The following ZNF438 variants were observed in gnomAD, a reference collection of about 807,000 sequenced individuals.
ZNF438 encodes the protein zinc finger protein 438.
ZNF438 carries 25 observed loss-of-function variants against 38.0 expected under a neutral mutation model. The ratio of observed to expected loss-of-function variants is 0.66; its 90% CI spans 0.48 to 0.92. ZNF438 has a LOEUF of 0.92. Ranked by LOEUF, ZNF438 falls within the 40% of genes least tolerant of loss-of-function variation. ZNF438 has a pLI of 0.00. For missense variants in ZNF438, 1,007 were observed against 999.6 expected (o/e 1.01, Z -0.10); for synonymous variants, 372 against 364.1 (o/e 1.02, Z -0.25).
At chr10:30,910,683 CA>C (rs11375197) in intron 2 of ZNF438, among the ~76,000 whole-genome samples, 941 of 89,770 alleles carry the variant, frequency 0.01, 8 homozygotes, top group Middle Eastern at 0.035. Flanking sequence ...GTATATTGGC[CA>C]AAAAAAAAAA....
intron 2 of ZNF438, chr10:30,921,206 T>G (rs926944041): frequency 6.6e-6 from 1 of 152,096 alleles, no homozygotes; most frequent in Non-Finnish European, 1.5e-5. Context: ...TGAACCTGTA[T>G]GCAAACAAGT....
chr10:30,989,264 T>G (rs1406535707), intron 1 of ZNF438, among the ~76,000 whole-genome samples: 1 of 152,230 alleles, frequency 6.6e-6, no homozygotes, highest in Non-Finnish European at 1.5e-5. Flanking sequence ...TGGAGAACCC[T>G]GACTAATAAT....
At chr10:31,027,438 C>T (rs1340645212) in intron 1 of ZNF438, among the ~76,000 whole-genome samples, 2 of 151,692 alleles carry the variant, frequency 1.3e-5, no homozygotes, top group African/African-American at 2.4e-5. Flanking sequence ...TGTTATATTT[C>T]GCATGGTCAG....
At chr10:30,963,003 T>C (rs1178203256) in intron 1 of ZNF438, among the ~76,000 whole-genome samples, 1 of 152,100 alleles carries the variant, frequency 6.6e-6, no homozygotes, top group African/African-American at 2.4e-5. Context: ...AATCAAAGGG[T>C]CTCAATATAA....
chr10:30,935,162 C>T (rs1159273678), intron 2 of ZNF438, among the ~76,000 whole-genome samples: 1 of 152,200 alleles, frequency 6.6e-6, no homozygotes, highest in African/African-American at 2.4e-5. Flanking sequence ...GTTTTATCTC[C>T]ATATTACAGA....
chr10:30,873,087 A>C (rs1390123810), intron 4 of ZNF438, among the ~76,000 whole-genome samples: 3 of 152,236 alleles, frequency 2.0e-5, no homozygotes, highest in African/African-American at 4.8e-5. Context: ...AAATCTAAAT[A>C]GTTGGCCTTA....
chr10:31,021,380 A>T (rs2056580653), intron 1 of ZNF438, among the ~76,000 whole-genome samples: 2 of 152,052 alleles, frequency 1.3e-5, no homozygotes, highest in Admixed American at 1.3e-4. Context: ...GTAAATAGTT[A>T]TAGATAGTAC....
chr10:30,919,061 ACT>A (rs1234959484), intron 2 of ZNF438: 1 of 152,088 alleles, frequency 6.6e-6, no homozygotes, highest in Non-Finnish European at 1.5e-5. Context: ...GTATCCAGAG[ACT>A]CTGAGGATTC....
At chr10:30,906,751 A>C (rs2042625108) in intron 3 of ZNF438, among the ~76,000 whole-genome samples, 1 of 152,142 alleles carries the variant, frequency 6.6e-6, no homozygotes, top group Non-Finnish European at 1.5e-5. Flanking sequence ...TTCTATTCCT[A>C]GTTTGTTCAG....
intron 1 of ZNF438, among the ~76,000 whole-genome samples, chr10:31,002,940 A>G (rs73254429): frequency 0.012 from 1,829 of 152,282 alleles, 40 homozygotes; most frequent in African/African-American, 0.041. Context: ...TAAGTCCCCA[A>G]ACAAGTAATG....
intron 4 of ZNF438, among the ~76,000 whole-genome samples, chr10:30,871,511 A>G (rs919659789): frequency 6.6e-6 from 1 of 152,230 alleles, no homozygotes; most frequent in African/African-American, 2.4e-5. Flanking sequence ...CCTAATTGAT[A>G]CTAAGTCCAA....
At chr10:30,997,672 G>A (rs1441080667) in intron 1 of ZNF438, among the ~76,000 whole-genome samples, 1 of 151,778 alleles carries the variant, frequency 6.6e-6, no homozygotes, top group Non-Finnish European at 1.5e-5. Flanking sequence ...CCACTGACTG[G>A]CTTAGAAACG....
At chr10:30,964,891 C>T (rs1268515900) in intron 1 of ZNF438, among the ~76,000 whole-genome samples, 1 of 152,034 alleles carries the variant, frequency 6.6e-6, no homozygotes, top group Non-Finnish European at 1.5e-5. Context: ...GGACACTGGC[C>T]TTGGCAAGGA....
chr10:30,874,230 C>G (rs1179676666), intron 4 of ZNF438, among the ~76,000 whole-genome samples: 1 of 148,786 alleles, frequency 6.7e-6, no homozygotes, highest in African/African-American at 2.5e-5. Flanking sequence ...CTCACTGCAG[C>G]CTCAAACTCC....
chr10:30,977,439 C>A (rs1347470427), intron 1 of ZNF438, among the ~76,000 whole-genome samples: 1 of 152,134 alleles, frequency 6.6e-6, no homozygotes, highest in Non-Finnish European at 1.5e-5. Flanking sequence ...TGCCATCTTC[C>A]ACGTGGTTTC....
intron 5 of ZNF438, 81 bp downstream of exon 6, chr10:30,848,447 TCTC>T: frequency 6.8e-7 from 1 of 1,475,806 alleles, no homozygotes; most frequent in African/African-American, 1.4e-5. Flanking sequence ...TTTTATAAAC[TCTC>T]CTTTCTGAAT....
rs146364975 is a variant in ZNF438 at position 31,008,815 on chromosome 10, T to C, written c.-192+23018A>G. Among the ~76,000 whole-genome samples, 842 of 152,362 alleles carry C rather than the reference T, an allele frequency of 5.5e-3. 13 individuals are homozygous for C. The highest frequency in any genetic ancestry group is 9.8e-3 in the East Asian group (51 of 5,192). On this transcript the variant is annotated intron_variant, in intron 1 of 5. Coordinates refer to ENST00000413025, the Ensembl canonical transcript of ZNF438. Reference sequence around the variant, plus strand: ...CTAGGAGTGAAACTGCTAGGTAACATAGGGTAACACCTTTTGAAGAACTGC... The same window carrying C: ...CTAGGAGTGAAACTGCTAGGTAACACAGGGTAACACCTTTTGAAGAACTGC...
intron 1 of ZNF438, among the ~76,000 whole-genome samples, chr10:30,969,164 A>G (rs1447601306): frequency 6.6e-6 from 1 of 152,168 alleles, no homozygotes; most frequent in African/African-American, 2.4e-5. Flanking sequence ...AAAATAAAAG[A>G]ATATGGAGAT....
intron 1 of ZNF438, among the ~76,000 whole-genome samples, chr10:31,017,201 T>C (rs1219682264): frequency 6.6e-6 from 1 of 152,254 alleles, no homozygotes; most frequent in Non-Finnish European, 1.5e-5. Context: ...AAAGTATCTC[T>C]GCTCTAGCAA....
Sources: gnomAD v4.1 joint callset for allele counts (sites outside exome capture counted in the v4.1 genomes callset) on GRCh38, gnomAD v4.1.1 for gene constraint, MANE v1.5 for transcripts, NCBI Gene and HGNC (gene_info 2026-07-23, HGNC 2026-07-21) for gene names.